CASD1: variants seen among roughly 807,000 people sequenced by gnomAD.
CASD1 encodes the protein N-acetylneuraminate (7)9-O-acetyltransferase.
Under a neutral mutation model 100.0 loss-of-function variants are expected in CASD1, and 41 were observed. The ratio of observed to expected loss-of-function variants is 0.41; its 90% CI spans 0.32 to 0.53. The LOEUF (loss-of-function observed/expected upper bound fraction) is 0.53, where lower values mean the gene tolerates loss of function less well. CASD1 is among the 20% of genes least tolerant of loss of function. The pLI, the probability that CASD1 is intolerant of heterozygous loss-of-function variation, is 0.25. For missense variants in CASD1, 774 were observed against 948.7 expected (o/e 0.82, Z 2.42); for synonymous variants, 321 against 315.6 (o/e 1.02, Z -0.18).
chr7:94,535,074 G>A (rs1408168522), intron 7 of CASD1, among the ~76,000 whole-genome samples: 1 of 152,160 alleles, frequency 6.6e-6, no homozygotes, highest in Non-Finnish European at 1.5e-5. Flanking sequence ...ATAAAGATGG[G>A]ACAAAAGTTC....
the CASD1 span, chr7:94,599,660 AAAT>A: frequency 6.3e-7 from 1 of 1,594,124 alleles, no homozygotes; most frequent in Middle Eastern, 1.7e-4. Context: ...AGGTGGGAAA[AAAT>A]GATGAAGAAA....
chr7:94,613,133 A>G, the CASD1 span, among the ~76,000 whole-genome samples: 1 of 152,238 alleles, frequency 6.6e-6, no homozygotes, highest in South Asian at 2.1e-4. Context: ...CAAACGGAAC[A>G]CAGATGTCAT....
Position 94,509,852 on chromosome 7 carries a change from A to G in CASD1, c.-233A>G. ...GCCTGGGGAACCGGCACGGCGGAGC[A>G]GCGGCGGCGGGGCTGGGGGGAGGCC... On this transcript the variant is annotated 5_prime_UTR_variant, in exon 1 of 18. Transcript: ENST00000297273. 1 of 972,490 alleles carries G rather than the reference A, an allele frequency of 1.0e-6. No homozygotes were observed. The highest frequency in any genetic ancestry group is 1.2e-6 in the Non-Finnish European group (1 of 816,030). 60.2% of individuals were successfully genotyped at this position (972,490 alleles called of 1,614,324 possible).
the CASD1 span, among the ~76,000 whole-genome samples, chr7:94,586,081 A>AAC: frequency 4.0e-5 from 6 of 150,568 alleles, no homozygotes; most frequent in Admixed American, 1.3e-4. Context: ...AAAAAAAAAA[A>AAC]AAAAAACAAC....
the CASD1 span, among the ~76,000 whole-genome samples, chr7:94,601,466 A>C: frequency 8.4e-6 from 1 of 118,412 alleles, no homozygotes; most frequent in Non-Finnish European, 2.0e-5. Context: ...AAAAAAAAAA[A>C]AAAAAAAAAA....
At chr7:94,610,093 A>C in the CASD1 span, among the ~76,000 whole-genome samples, 20 of 152,236 alleles carry the variant, frequency 1.3e-4, no homozygotes, top group Admixed American at 1.3e-3. Flanking sequence ...ACTAAGTGAA[A>C]TAAGCAAATA....
the CASD1 span, chr7:94,599,981 T>G: frequency 2.8e-6 from 1 of 356,840 alleles, no homozygotes; most frequent in Non-Finnish European, 5.0e-6. Flanking sequence ...ATAAATTCTA[T>G]GACATAATGA....
At position 94,545,608 on chromosome 7, in the gene CASD1, T is replaced by C. The variant is rs370469212; in HGVS notation, c.1540T>C (p.Phe514Leu). The C allele has an allele frequency of 3.5e-5, 57 of 1,609,358 alleles. No individual in the cohort carries two copies. The highest frequency in any genetic ancestry group is 4.6e-5 in the Non-Finnish European group (54 of 1,176,116). Residue 514 changes from phenylalanine to leucine, a missense_variant, in exon 12 of 18, where the codon TTC (phenylalanine) becomes CTC (leucine). Physicochemically the swap from Phe to Leu is conservative, Grantham distance 22. Coordinates refer to ENST00000297273, the MANE Select transcript of CASD1 (RefSeq NM_022900.5). ...TATAGTAATGGATCGACCTTATCAATTCTATTACTTTGTCCCCTTGGTCAC... is the reference window on the plus strand; with the variant it reads ...TATAGTAATGGATCGACCTTATCAACTCTATTACTTTGTCCCCTTGGTCAC... ...LCIVMDRPYQFYYFVPLVTVW... is the reference protein window; with the variant it reads ...LCIVMDRPYQLYYFVPLVTVW...
chr7:94,513,505 T>C (rs1225553042), intron 1 of CASD1, among the ~76,000 whole-genome samples: 1 of 152,158 alleles, frequency 6.6e-6, no homozygotes, highest in Non-Finnish European at 1.5e-5. Context: ...CACAGTTATT[T>C]GATTTTCTCT....
At chr7:94,534,256 T>C (rs1795003223) in intron 7 of CASD1, among the ~76,000 whole-genome samples, 1 of 143,448 alleles carries the variant, frequency 7.0e-6, no homozygotes, top group Non-Finnish European at 1.5e-5. Context: ...AACCTCCGCC[T>C]CCCAGGCTCA....
chr7:94,524,263 C>G (rs1004475276), intron 3 of CASD1: 3 of 151,712 alleles, frequency 2.0e-5, no homozygotes, highest in African/African-American at 7.3e-5. Context: ...TATCTATTCA[C>G]CAAAAGATAC....
Position 94,535,378 on chromosome 7 carries a change from A to G in CASD1, c.698A>G (p.Asn233Ser). 3 of 1,613,560 alleles carry G rather than the reference A, an allele frequency of 1.9e-6. No homozygotes were observed. Among genetic ancestry groups the G allele is most frequent in the South Asian group, 1.1e-5 (1 of 91,076 alleles). Residue 233 changes from asparagine to serine, a missense_variant, in exon 8 of 18, where the codon AAT becomes AGT. Coordinates refer to ENST00000297273, the MANE Select transcript of CASD1 (RefSeq NM_022900.5). ...MITNEKIDAY[N>S]EAAVSILNSS... ...ACTAATGAGAAGATAGATGCTTACA[A>G]TGAAGCTGCAGTCAGTATTTTGAAT...
chr7:94,524,761 C>T (rs1363514632), intron 3 of CASD1, among the ~76,000 whole-genome samples: 3 of 151,854 alleles, frequency 2.0e-5, no homozygotes, highest in African/African-American at 7.3e-5. Flanking sequence ...AAGTATGATA[C>T]TTGATATTAA....
the CASD1 span, among the ~76,000 whole-genome samples, chr7:94,614,868 A>G: frequency 6.6e-6 from 1 of 152,230 alleles, no homozygotes; most frequent in Non-Finnish European, 1.5e-5. Context: ...ACATTAAACT[A>G]TGAAAGAAAA....
intron 3 of CASD1, among the ~76,000 whole-genome samples, chr7:94,523,455 A>G (rs541597538): frequency 5.9e-4 from 90 of 152,368 alleles, no homozygotes; most frequent in African/African-American, 2.1e-3. Context: ...TACCGTGTGC[A>G]ATGGTAACGG....
the CASD1 span, chr7:94,587,601 G>A: frequency 7.2e-7 from 1 of 1,381,082 alleles, no homozygotes; most frequent in Non-Finnish European, 9.3e-7. Flanking sequence ...TTATAACAAA[G>A]TTTGTTCCTT....
At chr7:94,535,622 G>C (rs968874111) in intron 8 of CASD1, 99 bp downstream of exon 8, 2 of 833,994 alleles carry the variant, frequency 2.4e-6, no homozygotes, top group African/African-American at 3.4e-5. Context: ...TTGTTTTATT[G>C]CAGTCTTAGT....
At chr7:94,510,320 G>GCCGGC (rs1793629095) in intron 1 of CASD1, 103 bp downstream of exon 1, 5 of 888,388 alleles carry the variant, frequency 5.6e-6, no homozygotes, top group Admixed American at 4.4e-5. Context: ...GCGGCCTTCC[G>GCCGGC]CCGGCCCGGC....
chr7:94,599,095 A>G, the CASD1 span: 2 of 648,502 alleles, frequency 3.1e-6, no homozygotes, highest in African/African-American at 1.8e-5. Flanking sequence ...TGGGCATTCA[A>G]TAAACTATTT....
Sources: allele counts gnomAD v4.1 joint callset (sites outside exome capture counted in the v4.1 genomes callset), GRCh38; gene constraint gnomAD v4.1.1; transcripts MANE v1.5; gene names NCBI Gene and HGNC (gene_info 2026-07-23, HGNC 2026-07-21).